Variants in CDKAL1 observed in about 807,000 individuals in gnomAD.
CDKAL1 encodes the protein threonylcarbamoyladenosine tRNA methylthiotransferase.
A neutral mutation model predicts 68.2 loss-of-function variants in CDKAL1; 32 were observed. The ratio of observed to expected loss-of-function variants is 0.47; its 90% CI spans 0.35 to 0.63. The LOEUF is 0.63. Among genes scored for constraint, CDKAL1 ranks in the 30% least tolerant of loss-of-function variants. The probability of loss-of-function intolerance (pLI) is 0.00; values close to 1 mark genes in which losing one functional copy is unlikely to be tolerated. For missense variants in CDKAL1, 606 were observed against 696.7 expected (o/e 0.87, Z 1.47); for synonymous variants, 234 against 244.3 (o/e 0.96, Z 0.39).
In CDKAL1 at chr6:21,128,865, A is replaced by G. The variant is rs1398432561; in HGVS notation, c.1299+20402A>G. Among the ~76,000 whole-genome samples, 150 of 152,380 alleles carry G rather than the reference A, an allele frequency of 9.8e-4. 2 individuals carry two copies. The highest frequency in any genetic ancestry group is 8.8e-5 in the Non-Finnish European group (6 of 68,034). ...ATCTTTCTGTTAAGGGGTGTTGAAC[A>G]GCATAATGGACCATTGTACCATAAA... On this transcript the variant is annotated intron_variant, in intron 13 of 15. Coordinates refer to ENST00000274695, the MANE Select transcript of CDKAL1 (RefSeq NM_017774.3).
rs190437798 is a variant in CDKAL1, at chr6:20,974,439, C to T, written c.909+18854C>T. Among the ~76,000 whole-genome samples, 4 of 152,252 alleles carry T rather than the reference C, an allele frequency of 2.6e-5. No individual in the cohort carries two copies. In the East Asian group the frequency reaches 7.7e-4, roughly 29 times the overall value. On this transcript the variant is annotated intron_variant, in intron 10 of 15. Coordinates refer to ENST00000274695, the MANE Select transcript of CDKAL1 (RefSeq NM_017774.3). ...ATATTAGGGCAACCAGCAATCTTTG[C>T]CACAACTTCACATTGGATAGGGAAA...
intron 5 of CDKAL1, among the ~76,000 whole-genome samples, chr6:20,733,471 A>G (rs918121580): frequency 6.6e-6 from 1 of 152,222 alleles, no homozygotes; most frequent in East Asian, 1.9e-4. Flanking sequence ...CCAGTGCACC[A>G]TGACACCCGG....
intron 5 of CDKAL1, among the ~76,000 whole-genome samples, chr6:20,675,064 A>G (rs1012635): frequency 0.37 from 56,484 of 151,788 alleles, 12,017 homozygotes; most frequent in Admixed American, 0.48. Context: ...AGTAAATTTC[A>G]TATGGTTTTT....
At chr6:20,682,024 G>A (rs1581375788) in intron 5 of CDKAL1, among the ~76,000 whole-genome samples, 1 of 152,208 alleles carries the variant, frequency 6.6e-6, no homozygotes, top group Admixed American at 6.5e-5. Flanking sequence ...AAGGCAGCTA[G>A]CTTTATGGGG....
In CDKAL1 at chr6:20,739,695, G is replaced by A. The variant is rs1773361835; in HGVS notation, c.468+80G>A. ...TAGCTCCGCATTTTATTTTCTGTTT[G>A]TAGGTTATTTGTAAGCTATGTTACA... On this transcript the variant is annotated intron_variant, in intron 6 of 15. Transcript: ENST00000274695. The A allele has an allele frequency of 2.3e-5, 17 of 755,064 alleles. 1 individual carries two copies. The Middle Eastern group carries it at 7.1e-4, about 32-fold the overall frequency. The allele number at this position is 755,064 out of a possible 1,614,324, so 46.8% of individuals were successfully genotyped here. A position where few individuals can be genotyped will look rare whatever the true frequency, so the allele number is the denominator to read the frequency against.
chr6:21,166,648 A>AAAC (rs1777167076), intron 13 of CDKAL1, among the ~76,000 whole-genome samples: 1 of 152,192 alleles, frequency 6.6e-6, no homozygotes, highest in Non-Finnish European at 1.5e-5. Flanking sequence ...TCAGTGGACA[A>AAAC]AGGTTTAGCT....
chr6:20,793,569 ATTTATCAAATGATTG>A (rs1258322476), intron 8 of CDKAL1, among the ~76,000 whole-genome samples: 1 of 152,048 alleles, frequency 6.6e-6, no homozygotes, highest in Non-Finnish European at 1.5e-5. Flanking sequence ...TTTGTCAGTT[ATTTATCAAATGATTG>A]TTTATCAAAT....
intron 9 of CDKAL1, among the ~76,000 whole-genome samples, chr6:20,943,574 T>A (rs779969606): frequency 6.6e-6 from 1 of 152,244 alleles, no homozygotes; most frequent in Middle Eastern, 3.4e-3. Context: ...CTTCGTTTCA[T>A]TTTGGGTAGC....
intron 13 of CDKAL1, among the ~76,000 whole-genome samples, chr6:21,110,026 T>G (rs1774044524): frequency 6.6e-6 from 1 of 152,228 alleles, no homozygotes; most frequent in South Asian, 2.1e-4. Context: ...TCAGATTATT[T>G]TGGCTTCCCT....
chr6:20,755,075 A>G (rs1348936908), intron 6 of CDKAL1, among the ~76,000 whole-genome samples: 1 of 151,948 alleles, frequency 6.6e-6, no homozygotes, highest in East Asian at 1.9e-4. Flanking sequence ...ATAGGAAAAC[A>G]TTTTTCTTTA....
At chr6:21,020,180 T>G (rs986066626) in intron 11 of CDKAL1, among the ~76,000 whole-genome samples, 1 of 152,204 alleles carries the variant, frequency 6.6e-6, no homozygotes. Context: ...GACTGCAACT[T>G]AGAAGTCATA....
intron 4 of CDKAL1, among the ~76,000 whole-genome samples, chr6:20,595,397 G>A (rs985874187): frequency 1.7e-4 from 26 of 151,668 alleles, no homozygotes; most frequent in Non-Finnish European, 1.5e-4. Flanking sequence ...CTAATAATGG[G>A]TTATTTCATT....
intron 4 of CDKAL1, among the ~76,000 whole-genome samples, chr6:20,641,434 GAGAA>G (rs1252737803): frequency 6.6e-6 from 1 of 151,992 alleles, no homozygotes; most frequent in Non-Finnish European, 1.5e-5. Flanking sequence ...TAAAAAAAAA[GAGAA>G]AGAATATAAA....
chr6:21,176,987 G>A (rs1777610860), intron 13 of CDKAL1, among the ~76,000 whole-genome samples: 1 of 152,090 alleles, frequency 6.6e-6, no homozygotes, highest in South Asian at 2.1e-4. Flanking sequence ...GTGAGCCACT[G>A]CGCCTGGCCA....
intron 9 of CDKAL1, among the ~76,000 whole-genome samples, chr6:20,916,508 G>A (rs1252344203): frequency 2.6e-5 from 4 of 152,132 alleles, no homozygotes; most frequent in African/African-American, 9.7e-5. Flanking sequence ...ACTGAACACT[G>A]GGGGTGCAGG....
At chr6:21,033,328 T>A (rs1302366506) in intron 11 of CDKAL1, among the ~76,000 whole-genome samples, 2 of 152,186 alleles carry the variant, frequency 1.3e-5, no homozygotes, top group African/African-American at 4.8e-5. Flanking sequence ...CATAGGAGAC[T>A]TGCTGAGATA....
At chr6:21,180,108 G>A (rs1777732896) in intron 13 of CDKAL1, among the ~76,000 whole-genome samples, 1 of 152,210 alleles carries the variant, frequency 6.6e-6, no homozygotes, top group South Asian at 2.1e-4. Flanking sequence ...TTGGTTTCCT[G>A]ATCTGTTGAA....
chr6:21,201,913 A>G (rs1047490216), intron 15 of CDKAL1, among the ~76,000 whole-genome samples: 6 of 152,164 alleles, frequency 3.9e-5, no homozygotes, highest in African/African-American at 1.4e-4. Flanking sequence ...TCACATTTCT[A>G]AGCATCATTT....
chr6:21,173,127 C>A (rs1582354057), intron 13 of CDKAL1, among the ~76,000 whole-genome samples: 1 of 151,480 alleles, frequency 6.6e-6, no homozygotes, highest in Non-Finnish European at 1.5e-5. Context: ...CCCCACAACA[C>A]CCTTCTTTCC....
Sources: allele counts gnomAD v4.1 joint callset (sites outside exome capture counted in the v4.1 genomes callset), GRCh38; gene constraint gnomAD v4.1.1; transcripts MANE v1.5; gene names NCBI Gene and HGNC (gene_info 2026-07-23, HGNC 2026-07-21).